The following IRGM variants were observed in gnomAD, a reference collection of about 807,000 sequenced individuals.
IRGM encodes immunity-related GTPase family M protein.
For missense variants in IRGM, 288 were observed against 219.9 expected, an observed-to-expected ratio of 1.31 and a Z score of -1.96; for synonymous variants, 98 against 80.6, an observed-to-expected ratio of 1.22 and a Z score of -1.16.
chr5:150,901,828 A>G (rs75372055), downstream of IRGM, among the ~76,000 whole-genome samples: 196 of 152,260 alleles, frequency 1.3e-3, 4 homozygotes, highest in East Asian at 0.035. Flanking sequence ...ATAAAATAGT[A>G]AAGGAGAATT....
chr5:150,860,389 T>C (rs1754119405), intron 1 of IRGM, among the ~76,000 whole-genome samples: 2 of 152,348 alleles, frequency 1.3e-5, no homozygotes, highest in South Asian at 4.1e-4. Context: ...TTCAGTTCTC[T>C]TTCTAAACCT....
chr5:150,899,811 GTAT>G (rs770391536), intron 3 of IRGM, among the ~76,000 whole-genome samples: 42 of 152,158 alleles, frequency 2.8e-4, no homozygotes, highest in Non-Finnish European at 5.0e-4. Flanking sequence ...ATAGTGATCT[GTAT>G]TATTTTAAAT....
chr5:150,882,580 T>C (rs1820682), intron 3 of IRGM, among the ~76,000 whole-genome samples: 31,790 of 152,068 alleles, frequency 0.21, 5,368 homozygotes, highest in African/African-American at 0.45. Context: ...CCTATACTTA[T>C]ATCAGATAAA....
At chr5:150,895,714 T>C in intron 3 of IRGM, 1 of 1,613,610 alleles carries the variant, frequency 6.2e-7, no homozygotes, top group Non-Finnish European at 8.5e-7. Flanking sequence ...TGATGTCCAA[T>C]GAGATGTGAC....
intron 1 of IRGM, among the ~76,000 whole-genome samples, chr5:150,856,590 G>T (rs1319333454): frequency 6.6e-6 from 1 of 151,718 alleles, no homozygotes; most frequent in Non-Finnish European, 1.5e-5. Flanking sequence ...AATTGGGGTA[G>T]TGTTCCTTCC....
In IRGM at chr5:150,847,791, C is replaced by T. The variant is rs912953200; in HGVS notation, c.-333C>T. Reference sequence around the variant, plus strand: ...AGCTGCATCCTTAACCTCTTTTTGCCACACCATAAGCATTGGGTTTTGTTT... The same window carrying T: ...AGCTGCATCCTTAACCTCTTTTTGCTACACCATAAGCATTGGGTTTTGTTT... On this transcript the variant is annotated 5_prime_UTR_variant, in exon 2 of 2. Coordinates refer to ENST00000522154, the MANE Select transcript of IRGM (RefSeq NM_001145805.2). The T allele has an allele frequency of 4.1e-6, 1 of 245,304 alleles. No individual in the cohort carries two copies. The highest frequency in any genetic ancestry group is 7.7e-6 in the Non-Finnish European group (1 of 129,636). 15.2% of individuals were successfully genotyped at this position (245,304 alleles called of 1,614,324 possible). A position where few individuals can be genotyped will look rare whatever the true frequency, so the allele number is the denominator to read the frequency against.
At chr5:150,865,378 C>CA (rs1754192990) in intron 1 of IRGM, among the ~76,000 whole-genome samples, 2 of 151,640 alleles carry the variant, frequency 1.3e-5, no homozygotes, top group African/African-American at 4.9e-5. Context: ...TCAAATATAT[C>CA]AAAATTTCAT....
chr5:150,880,313 G>A lies in IRGM; in HGVS notation c.*140+667G>A, dbSNP rs538617249. On this transcript the variant is annotated intron_variant and NMD_transcript_variant, in intron 3 of 3. Transcript: ENST00000520549. ...GTTGTTCCTTGTTTCGTTCATTTAA[G>A]TGTCTGTGGGTATATCTGCAAAAAC... Among the ~76,000 whole-genome samples, 24 of 152,302 alleles carry A rather than the reference G, an allele frequency of 1.6e-4. No homozygotes were observed. In the South Asian group the frequency reaches 3.9e-3, roughly 25 times the overall value.
chr5:150,882,392 T>C (rs1240123695), intron 3 of IRGM, among the ~76,000 whole-genome samples: 2 of 152,106 alleles, frequency 1.3e-5, no homozygotes, highest in Non-Finnish European at 2.9e-5. Flanking sequence ...ATCTTGAATG[T>C]AAATAGATTA....
At chr5:150,880,635 T>G (rs966576478) in intron 3 of IRGM, among the ~76,000 whole-genome samples, 1 of 152,172 alleles carries the variant, frequency 6.6e-6, no homozygotes, top group Non-Finnish European at 1.5e-5. Flanking sequence ...GGGAACCCGC[T>G]TTTAAGTTGT....
intron 3 of IRGM, among the ~76,000 whole-genome samples, chr5:150,899,424 A>AAAAG (rs1325527178): frequency 1.3e-5 from 2 of 152,118 alleles, no homozygotes; most frequent in African/African-American, 4.8e-5. Flanking sequence ...TTTTTTTAAA[A>AAAAG]AAAGAAAAGC....
At chr5:150,863,344 T>G (rs1284783897) in intron 1 of IRGM, among the ~76,000 whole-genome samples, 1 of 152,128 alleles carries the variant, frequency 6.6e-6, no homozygotes, top group Non-Finnish European at 1.5e-5. Flanking sequence ...CTCAAAAAGG[T>G]GCTTGTTTTA....
At chr5:150,857,661 G>T (rs1214597758) in intron 1 of IRGM, among the ~76,000 whole-genome samples, 1 of 151,960 alleles carries the variant, frequency 6.6e-6, no homozygotes, top group Non-Finnish European at 1.5e-5. Flanking sequence ...GTTTTGATTT[G>T]CATTTCTCTG....
intron 3 of IRGM, among the ~76,000 whole-genome samples, chr5:150,891,591 C>T (rs1183771662): frequency 3.3e-5 from 5 of 152,082 alleles, no homozygotes; most frequent in Admixed American, 6.6e-5. Flanking sequence ...TTGTACTACA[C>T]ATTTTTAGCT....
chr5:150,881,733 A>C (rs1469146891), intron 3 of IRGM, among the ~76,000 whole-genome samples: 1 of 152,190 alleles, frequency 6.6e-6, no homozygotes, highest in Middle Eastern at 3.2e-3. Flanking sequence ...ATCAACAACA[A>C]CATGTGGGAG....
Position 150,867,617 on chromosome 5 carries a change from T to A in IRGM, c.159-10363T>A, listed in dbSNP as rs188186691. ...TACCAGCAGTGTGAAAGTGTTCTGT[T>A]TTCACAACATCCATGCCAACATCTA... On this transcript the variant is annotated intron_variant and NMD_transcript_variant, in intron 1 of 3. Transcript: ENST00000520549. Among the ~76,000 whole-genome samples, 144 of 151,922 alleles carry A rather than the reference T, an allele frequency of 9.5e-4. 1 individual carries two copies. Among genetic ancestry groups the A allele is most frequent in the African/African-American group, 3.3e-3 (138 of 41,364 alleles).
intron 3 of IRGM, among the ~76,000 whole-genome samples, chr5:150,883,853 A>G (rs541537641): frequency 6.6e-6 from 1 of 152,100 alleles, no homozygotes; most frequent in East Asian, 1.9e-4. Flanking sequence ...TTCAAAAAAA[A>G]TTAAAGAAGA....
chr5:150,895,773 C>G, intron 3 of IRGM: 1 of 1,613,512 alleles, frequency 6.2e-7, no homozygotes, highest in Non-Finnish European at 8.5e-7. Context: ...GGGTTTTTCT[C>G]CAGTATGTGT....
At chr5:150,867,357 T>TAC (rs1338312516) in intron 1 of IRGM, among the ~76,000 whole-genome samples, 1 of 152,122 alleles carries the variant, frequency 6.6e-6, no homozygotes, top group East Asian at 1.9e-4. Context: ...TATTCCATGG[T>TAC]ATATATATAC....
Sources: allele counts gnomAD v4.1 joint callset (sites outside exome capture counted in the v4.1 genomes callset), GRCh38; gene constraint gnomAD v4.1.1; transcripts MANE v1.5; gene names NCBI Gene and HGNC (gene_info 2026-07-23, HGNC 2026-07-21).